CAST: variants seen among roughly 807,000 people sequenced by gnomAD.
CAST encodes MIR583 host.
CAST carries 76 observed loss-of-function variants against 119.6 expected under a neutral mutation model. That is an observed-to-expected ratio of 0.64 (90% CI 0.53 to 0.77). The LOEUF (loss-of-function observed/expected upper bound fraction) is 0.77, where lower values mean the gene tolerates loss of function less well. Ranked by LOEUF, CAST falls within the 30% of genes least tolerant of loss-of-function variation. The probability of loss-of-function intolerance (pLI) is 0.00; values close to 1 mark genes in which losing one functional copy is unlikely to be tolerated. For missense variants in CAST, 953 were observed against 946.5 expected, an observed-to-expected ratio of 1.01 and a Z score of -0.09; for synonymous variants, 319 against 331.6, an observed-to-expected ratio of 0.96 and a Z score of 0.41.
the CAST span, among the ~76,000 whole-genome samples, chr5:96,401,081 C>T: frequency 3.6e-4 from 33 of 90,466 alleles, no homozygotes; most frequent in Non-Finnish European, 5.4e-4. Flanking sequence ...AGCGGGACTC[C>T]GTCTCAAAAA....
upstream of CAST, among the ~76,000 whole-genome samples, chr5:96,523,957 G>A (rs572649153): frequency 3.9e-5 from 6 of 152,290 alleles, no homozygotes; most frequent in South Asian, 6.2e-4. Flanking sequence ...CAGTATCCCC[G>A]TCTCCAGCTT....
chr5:96,616,996 A>G (rs1218297383), intron 1 of CAST, among the ~76,000 whole-genome samples: 1 of 151,616 alleles, frequency 6.6e-6, no homozygotes, highest in Non-Finnish European at 1.5e-5. Context: ...CCTTGACCAC[A>G]CCTTTCTTAT....
the CAST span, among the ~76,000 whole-genome samples, chr5:96,456,389 C>A: frequency 6.6e-6 from 1 of 152,182 alleles, no homozygotes; most frequent in South Asian, 2.1e-4. Flanking sequence ...ATTCCCTTTG[C>A]AGGTTTTCCT....
intron 24 of CAST, 102 bp downstream of exon 24, chr5:96,757,756 T>C (rs1306458018): frequency 1.3e-6 from 1 of 750,234 alleles, no homozygotes. Flanking sequence ...AGTGGTGCCA[T>C]CTTCAGTCAC....
chr5:96,618,812 G>A (rs984294919), intron 1 of CAST, among the ~76,000 whole-genome samples: 2 of 152,222 alleles, frequency 1.3e-5, no homozygotes, highest in Non-Finnish European at 2.9e-5. Flanking sequence ...TGGGCTCCCG[G>A]GGGACCTGAG....
At chr5:96,070,826 T>A in the CAST span, among the ~76,000 whole-genome samples, 125 of 152,202 alleles carry the variant, frequency 8.2e-4, no homozygotes, top group African/African-American at 2.7e-3. Context: ...ACAGGAAGTA[T>A]GTAACCCTAG....
chr5:96,741,241 C>T (rs772090129), intron 13 of CAST, 25 bp from the exon 14 acceptor site: 2 of 1,334,928 alleles, frequency 1.5e-6, no homozygotes, highest in Non-Finnish European at 2.1e-6. Context: ...CCGTAAGTTA[C>T]CCATCACTGT....
At chr5:96,552,759 T>G (rs1015934038) in intron 1 of CAST, among the ~76,000 whole-genome samples, 1 of 152,068 alleles carries the variant, frequency 6.6e-6, no homozygotes, top group African/African-American at 2.4e-5. Flanking sequence ...ATACACACTA[T>G]GATCAGAGAA....
At chr5:96,043,932 AC>A in the CAST span, among the ~76,000 whole-genome samples, 1 of 152,228 alleles carries the variant, frequency 6.6e-6, no homozygotes, top group Non-Finnish European at 1.5e-5. Context: ...ACTGACAAGC[AC>A]CTTTCAAAAA....
chr5:96,151,156 G>A, the CAST span, among the ~76,000 whole-genome samples: 1 of 152,204 alleles, frequency 6.6e-6, no homozygotes, highest in African/African-American at 2.4e-5. Context: ...AGACTTGGAA[G>A]TGACTGTGAT....
At chr5:96,371,750 C>T in the CAST span, among the ~76,000 whole-genome samples, 1 of 152,174 alleles carries the variant, frequency 6.6e-6, no homozygotes, top group Non-Finnish European at 1.5e-5. Flanking sequence ...TGAGCCTAGA[C>T]AACCAGTCTA....
At chr5:96,219,891 G>C in the CAST span, among the ~76,000 whole-genome samples, 1 of 152,162 alleles carries the variant, frequency 6.6e-6, no homozygotes, top group Non-Finnish European at 1.5e-5. Context: ...CTCCACAGAA[G>C]ACCCCACTCT....
At chr5:96,400,180 AT>A in the CAST span, 1 of 1,613,100 alleles carries the variant, frequency 6.2e-7, no homozygotes, top group African/African-American at 1.3e-5. Context: ...GCCAGGTGAG[AT>A]TTGGGCTGGA....
At chr5:96,433,404 AAAGG>A in the CAST span, 1 of 359,102 alleles carries the variant, frequency 2.8e-6, no homozygotes, top group South Asian at 2.3e-5. Context: ...GGGATTAGGA[AAAGG>A]AAGGAACTGT....
At chr5:96,291,576 C>A in the CAST span, among the ~76,000 whole-genome samples, 2 of 152,140 alleles carry the variant, frequency 1.3e-5, no homozygotes, top group African/African-American at 2.4e-5. Context: ...TTGGTATCCA[C>A]ATGGCTCACT....
chr5:96,429,173 A>C, the CAST span: 2 of 1,009,760 alleles, frequency 2.0e-6, no homozygotes, highest in Non-Finnish European at 3.2e-6. Context: ...AAAGCAGATA[A>C]GCTAGAGTAT....
At chr5:96,763,348 GTGTGTA>G (rs1768688563) in intron 25 of CAST, 1 of 744,300 alleles carries the variant, frequency 1.3e-6, no homozygotes, top group Admixed American at 1.8e-5. Flanking sequence ...TGCCCCGTGT[GTGTGTA>G]TGTGCATGTG....
chr5:96,028,008 T>C, the CAST span, among the ~76,000 whole-genome samples: 25 of 152,260 alleles, frequency 1.6e-4, no homozygotes, highest in East Asian at 4.4e-3. Flanking sequence ...GTGAGAATAT[T>C]GCTAGGAAAA....
intron 2 of CAST, among the ~76,000 whole-genome samples, chr5:96,693,137 C>T (rs1752916160): frequency 6.6e-6 from 1 of 152,226 alleles, no homozygotes; most frequent in Non-Finnish European, 1.5e-5. Flanking sequence ...GATGATTTTA[C>T]ATATTCCAGT....
Sources: allele counts gnomAD v4.1 joint callset (sites outside exome capture counted in the v4.1 genomes callset), GRCh38; gene constraint gnomAD v4.1.1; transcripts MANE v1.5; gene names NCBI Gene and HGNC (gene_info 2026-07-23, HGNC 2026-07-21).